TOPBP1: variants seen among roughly 807,000 people sequenced by gnomAD.
TOPBP1 encodes DNA topoisomerase II binding protein 1, also known as DNA topoisomerase 2-binding protein 1.
TOPBP1 carries 28 observed loss-of-function variants against 167.7 expected under a neutral mutation model. The ratio of observed to expected loss-of-function variants is 0.17; its 90% CI spans 0.12 to 0.23. TOPBP1 has a LOEUF of 0.23. Ranked by LOEUF, TOPBP1 falls within the 10% of genes least tolerant of loss-of-function variation. The pLI, the probability that TOPBP1 is intolerant of heterozygous loss-of-function variation, is 1.00. For missense variants in TOPBP1, 1,554 were observed against 1,809.6 expected (o/e 0.86, Z 2.56); for synonymous variants, 598 against 611.4 (o/e 0.98, Z 0.32).
intron 19 of TOPBP1, among the ~76,000 whole-genome samples, chr3:133,622,530 A>G (rs1935128088): frequency 6.6e-6 from 1 of 151,900 alleles, no homozygotes; most frequent in African/African-American, 2.4e-5. Context: ...GGGGAAAAAC[A>G]TATTTACGGC....
chr3:133,658,575 G>A (rs914390650), intron 3 of TOPBP1, among the ~76,000 whole-genome samples: 3 of 151,920 alleles, frequency 2.0e-5, no homozygotes, highest in African/African-American at 7.3e-5. Context: ...AGGCTGAGGT[G>A]GGAGGATCAC....
chr3:133,640,247 A>C, intron 12 of TOPBP1, 77 bp from the exon 13 acceptor site: 2 of 1,238,424 alleles, frequency 1.6e-6, no homozygotes, highest in Non-Finnish European at 2.3e-6. Context: ...TTCCAACACA[A>C]CAGTGTGGTT....
At chr3:133,627,453 T>C (rs556348906) in intron 16 of TOPBP1, among the ~76,000 whole-genome samples, 14 of 152,202 alleles carry the variant, frequency 9.2e-5, no homozygotes, top group Non-Finnish European at 1.9e-4. Context: ...CAATTTATAA[T>C]AGGTAATACA....
Position 133,661,105 on chromosome 3 carries a change from G to A in TOPBP1, c.23C>T (p.Pro8Leu). Residue 8 changes from proline to leucine, a missense_variant, in exon 2 of 28, where the codon CCG becomes CTG. Physicochemically the swap from Pro to Leu is moderately conservative, Grantham distance 98. Coordinates refer to ENST00000260810, the MANE Select transcript of TOPBP1 (RefSeq NM_007027.4). MSRNDKE[P>L]FFVKFLKSSD... ...AGACTTTAAAAACTTCACAAAAAAC[G>A]GTTCTTTGTCATTTCTGGACATTTC... 6.3e-7 allele frequency: 1 copy of A among 1,598,362 alleles called. No homozygotes were observed. Among genetic ancestry groups the A allele is most frequent in the Non-Finnish European group, 8.5e-7 (1 of 1,173,984 alleles).
intron 22 of TOPBP1, 112 bp downstream of exon 22, chr3:133,617,048 A>T: frequency 7.2e-7 from 1 of 1,397,254 alleles, no homozygotes; most frequent in South Asian, 1.5e-5. Flanking sequence ...GATACAATGC[A>T]AAAAATAGTT....
intron 14 of TOPBP1, among the ~76,000 whole-genome samples, chr3:133,629,097 G>A (rs1194841796): frequency 1.3e-5 from 2 of 151,620 alleles, no homozygotes; most frequent in Non-Finnish European, 2.9e-5. Flanking sequence ...AATAAGCAAC[G>A]ACGGATATAA....
chr3:133,627,404 A>G (rs1285017796), intron 16 of TOPBP1, among the ~76,000 whole-genome samples: 1 of 152,368 alleles, frequency 6.6e-6, no homozygotes, highest in South Asian at 2.1e-4. Context: ...AATAGGTAAC[A>G]TAATAGGTAA....
chr3:133,625,470 T>C (rs1028920034), intron 16 of TOPBP1, among the ~76,000 whole-genome samples: 2 of 152,204 alleles, frequency 1.3e-5, no homozygotes, highest in Non-Finnish European at 2.9e-5. Context: ...CAGTGGCTCA[T>C]GCCTGTAATT....
chr3:133,633,826 C>T (rs1025264342), intron 14 of TOPBP1, among the ~76,000 whole-genome samples: 27 of 152,194 alleles, frequency 1.8e-4, no homozygotes, highest in African/African-American at 6.5e-4. Flanking sequence ...TTTTTCCTTT[C>T]TTTGCCTTCT....
chr3:133,657,707 A>C, intron 4 of TOPBP1, 91 bp downstream of exon 4: 3 of 1,090,590 alleles, frequency 2.8e-6, no homozygotes, highest in Non-Finnish European at 3.6e-6. Context: ...CAATAAGCGG[A>C]AAGTCTTTTA....
chr3:133,650,009 T>C (rs1936230288), intron 8 of TOPBP1, 66 bp from the exon 9 acceptor site: 1 of 1,300,292 alleles, frequency 7.7e-7, no homozygotes, highest in Admixed American at 3.2e-5. Flanking sequence ...ACTAAAAATA[T>C]ATATCTAAAT....
chr3:133,640,150 C>A lies in TOPBP1; in HGVS notation c.2042G>T (p.Arg681Leu). ...CATGCCTTTCTTTGCATTGGATTTG[C>A]GAACAAAGTATTCTTGAACACTGAA... Reference protein sequence around the residue: ...LGASVQEYFVRKSNAKKGMFA... With the variant: ...LGASVQEYFVLKSNAKKGMFA... Residue 681 changes from arginine (R) to leucine (L), a missense_variant, in exon 13 of 28, where the codon CGC becomes CTC. Arg to Leu is a moderately radical substitution (Grantham distance 102). Coordinates refer to ENST00000260810, the MANE Select transcript of TOPBP1 (RefSeq NM_007027.4). 3.1e-6 allele frequency: 5 copies of A among 1,613,012 alleles called. No homozygotes were observed. Among genetic ancestry groups the A allele is most frequent in the South Asian group, 1.1e-5 (1 of 91,010 alleles).
Position 133,659,005 on chromosome 3 carries a change from A to T in TOPBP1, c.219+11T>A, listed in dbSNP as rs745915911. 1 of 1,590,848 alleles carries T rather than the reference A, an allele frequency of 6.3e-7. No individual in the cohort carries two copies. The highest frequency in any genetic ancestry group is 8.5e-7 in the Non-Finnish European group (1 of 1,170,312). ...TAGACTACCAAAGGTACACACTAGA[A>T]GTCAGCAAACCTTTTTGAGGTGATC... On this transcript the variant is annotated intron_variant, in intron 3 of 27. Coordinates refer to ENST00000260810, the MANE Select transcript of TOPBP1 (RefSeq NM_007027.4).
At chr3:133,615,346 G>A (rs770851130) in intron 23 of TOPBP1, among the ~76,000 whole-genome samples, 41 of 152,000 alleles carry the variant, frequency 2.7e-4, no homozygotes, top group Non-Finnish European at 4.4e-4. Flanking sequence ...GCGTGGTGGC[G>A]CACACCTGTA....
In TOPBP1 at chr3:133,617,292, T is replaced by C. The variant is rs1233266384; in HGVS notation, c.3627A>G (p.Glu1209=). ...VCDPGNIRVT[E]APKHPISEEL... ...CTTCAGAGATTGGGTGTTTGGGAGCTTCAGTCACACGTATGTTTCCAGGAT... is the reference window on the plus strand; with the variant it reads ...CTTCAGAGATTGGGTGTTTGGGAGCCTCAGTCACACGTATGTTTCCAGGAT... The change falls in exon 22 of 28, where the codon GAA becomes GAG. Residue 1209 remains glutamate, a synonymous_variant. Coordinates refer to ENST00000260810, the MANE Select transcript of TOPBP1 (RefSeq NM_007027.4). 6.2e-7 allele frequency: 1 copy of C among 1,613,112 alleles called. No homozygotes were observed. The highest frequency in any genetic ancestry group is 8.5e-7 in the Non-Finnish European group (1 of 1,179,572).
chr3:133,659,757 CG>C (rs770961879), intron 2 of TOPBP1, among the ~76,000 whole-genome samples: 21 of 149,608 alleles, frequency 1.4e-4, no homozygotes, highest in Non-Finnish European at 2.2e-4. Context: ...TTTAAAAATA[CG>C]TATTTATATA....
Position 133,644,105 on chromosome 3 carries a change from C to T in TOPBP1, c.1763G>A (p.Arg588Lys). The T allele has an allele frequency of 6.2e-7, 1 of 1,613,958 alleles. No individual in the cohort carries two copies. Among genetic ancestry groups the T allele is most frequent in the Non-Finnish European group, 8.5e-7 (1 of 1,179,852 alleles). ...AACCACAGCATAATCCGCAACAGTT[C>T]TGCTCAGAAGGGACATGATTTTCCC... Reference protein sequence around the residue: ...NAGKIMSLLSRTVADYAVVPL... With the variant: ...NAGKIMSLLSKTVADYAVVPL... Residue 588 changes from arginine (R) to lysine (K), a missense_variant, in exon 11 of 28, where the codon AGA becomes AAA. By Grantham distance (26) the Arg-to-Lys change is conservative. Transcript: ENST00000260810.
chr3:133,619,391 T>A (rs1428512692), intron 20 of TOPBP1, among the ~76,000 whole-genome samples: 2 of 152,180 alleles, frequency 1.3e-5, no homozygotes, highest in African/African-American at 2.4e-5. Context: ...TAGTTTATCT[T>A]ATACTTAATT....
chr3:133,607,867 T>C (rs550209680), intron 27 of TOPBP1, among the ~76,000 whole-genome samples: 1 of 152,240 alleles, frequency 6.6e-6, no homozygotes, highest in Non-Finnish European at 1.5e-5. Flanking sequence ...TTAGGCATTC[T>C]ATTAAATCCT....
Sources: allele counts gnomAD v4.1 joint callset (sites outside exome capture counted in the v4.1 genomes callset), GRCh38; gene constraint gnomAD v4.1.1; transcripts MANE v1.5; gene names NCBI Gene and HGNC (gene_info 2026-07-23, HGNC 2026-07-21).